Variants in FAM178B observed in about 807,000 individuals in gnomAD.
FAM178B encodes family with sequence similarity 178 member B, also known as protein FAM178B.
A neutral mutation model predicts 91.7 loss-of-function variants in FAM178B; 82 were observed. The ratio of observed to expected loss-of-function variants is 0.89; its 90% CI spans 0.75 to 1.07. FAM178B has a LOEUF of 1.07. FAM178B is among the 50% of genes least tolerant of loss of function. The pLI is 0.00. For missense variants in FAM178B, 769 were observed against 846.7 expected, an observed-to-expected ratio of 0.91 and a Z score of 1.14; for synonymous variants, 368 against 359.4, an observed-to-expected ratio of 1.02 and a Z score of -0.27.
At chr2:96,913,901 C>T (rs139176304) in intron 12 of FAM178B, among the ~76,000 whole-genome samples, 8 of 152,330 alleles carry the variant, frequency 5.3e-5, no homozygotes, top group South Asian at 2.1e-4. Context: ...GCCTGACTCC[C>T]GGCTTCTGTG....
chr2:96,880,516 C>T (rs1192921582), intron 14 of FAM178B, among the ~76,000 whole-genome samples: 1 of 152,208 alleles, frequency 6.6e-6, no homozygotes. Context: ...GGTATCCCTA[C>T]CTTTCCTTTT....
At chr2:96,914,372 C>A (rs1162919986) in intron 12 of FAM178B, among the ~76,000 whole-genome samples, 1 of 152,160 alleles carries the variant, frequency 6.6e-6, no homozygotes, top group Non-Finnish European at 1.5e-5. Flanking sequence ...GGCATCAAGA[C>A]ACAAGTGCCC....
intron 6 of FAM178B, 67 bp downstream of exon 6, chr2:96,960,221 T>C: frequency 1.3e-6 from 2 of 1,518,804 alleles, no homozygotes; most frequent in Non-Finnish European, 1.8e-6. Context: ...CCCTTATCCC[T>C]GGACTCCAGG....
chr2:96,907,061 T>C (rs6576990), intron 12 of FAM178B, among the ~76,000 whole-genome samples: 32,251 of 151,944 alleles, frequency 0.21, 4,889 homozygotes, highest in African/African-American at 0.43. Context: ...AGGATGGGGC[T>C]GTTATCCAGA....
At chr2:96,905,842 A>T (rs557580876) in intron 12 of FAM178B, among the ~76,000 whole-genome samples, 2 of 28,004 alleles carry the variant, frequency 7.1e-5, no homozygotes, top group East Asian at 1.2e-3. Context: ...ATATATATAT[A>T]TATATATATA....
chr2:96,934,563 C>T (rs755555822), intron 8 of FAM178B, among the ~76,000 whole-genome samples: 1 of 152,186 alleles, frequency 6.6e-6, no homozygotes, highest in Non-Finnish European at 1.5e-5. Context: ...TATCCATTTC[C>T]TATTTTAAAA....
intron 15 of FAM178B, 58 bp from the exon 16 acceptor site, chr2:96,878,100 G>C: frequency 6.3e-7 from 1 of 1,579,388 alleles, no homozygotes; most frequent in Non-Finnish European, 8.6e-7. Context: ...CACATCCAAA[G>C]CCGGGCAGGA....
intron 10 of FAM178B, among the ~76,000 whole-genome samples, chr2:96,922,862 C>CG (rs1257494482): frequency 3.3e-5 from 5 of 151,704 alleles, no homozygotes; most frequent in African/African-American, 1.2e-4. Flanking sequence ...TGTGTAGAGA[C>CG]GGGGTTTTGC....
intron 8 of FAM178B, among the ~76,000 whole-genome samples, chr2:96,930,441 C>A (rs75972488): frequency 6.6e-6 from 1 of 152,284 alleles, no homozygotes; most frequent in African/African-American, 2.4e-5. Context: ...GCTCCCACAC[C>A]TCATCCAGGG....
chr2:96,958,697 TAAAAAAAAAAAAAAAAAAAAAAAA>T (rs55924441), intron 6 of FAM178B, among the ~76,000 whole-genome samples: 8 of 55,534 alleles, frequency 1.4e-4, no homozygotes, highest in East Asian at 1.7e-3. Flanking sequence ...CTCAAAATAC[TAAAAAAAAAAAAAAAAAAAAAAAA>T]AAAAAAAAAA....
intron 8 of FAM178B, among the ~76,000 whole-genome samples, chr2:96,945,133 G>T (rs1329477271): frequency 6.6e-6 from 1 of 152,188 alleles, no homozygotes; most frequent in African/African-American, 2.4e-5. Flanking sequence ...TGTCTTTGCT[G>T]AATAAATGAA....
intron 9 of FAM178B, among the ~76,000 whole-genome samples, chr2:96,923,923 G>A (rs1478225038): frequency 1.3e-5 from 2 of 152,230 alleles, no homozygotes. Flanking sequence ...CCACATGGCC[G>A]CTGGTTCTCC....
chr2:96,947,760 C>A, intron 8 of FAM178B, 58 bp downstream of exon 8: 2 of 995,942 alleles, frequency 2.0e-6, no homozygotes, highest in South Asian at 1.4e-5. Flanking sequence ...CTGAGAGTCA[C>A]GTATCACAGG....
chr2:96,907,679 C>T (rs908931883), intron 12 of FAM178B, among the ~76,000 whole-genome samples: 2 of 152,228 alleles, frequency 1.3e-5, no homozygotes, highest in Admixed American at 6.5e-5. Context: ...TTTCCAAACC[C>T]GCAGCAGGGC....
intron 14 of FAM178B, among the ~76,000 whole-genome samples, chr2:96,884,163 G>A (rs977730867): frequency 2.0e-5 from 3 of 152,152 alleles, no homozygotes; most frequent in African/African-American, 7.2e-5. Flanking sequence ...CACACAGAGA[G>A]GGCCTGGGAC....
At chr2:96,887,205 ACT>A (rs780848448) in intron 14 of FAM178B, among the ~76,000 whole-genome samples, 3 of 147,984 alleles carry the variant, frequency 2.0e-5, no homozygotes, top group Non-Finnish European at 4.4e-5. Flanking sequence ...ACACAGCGAG[ACT>A]CTATCTCAAA....
At chr2:96,952,436 G>A (rs1559093440) in intron 6 of FAM178B, among the ~76,000 whole-genome samples, 1 of 152,134 alleles carries the variant, frequency 6.6e-6, no homozygotes, top group Non-Finnish European at 1.5e-5. Context: ...GGCTGTGACC[G>A]TGTGCCCATT....
intron 12 of FAM178B, among the ~76,000 whole-genome samples, chr2:96,916,484 A>C (rs894657270): frequency 5.3e-5 from 8 of 152,228 alleles, no homozygotes; most frequent in African/African-American, 1.7e-4. Flanking sequence ...AGCCGCAGGC[A>C]GTGAAGGAAG....
chr2:96,910,484 T>C (rs146799836), intron 12 of FAM178B, among the ~76,000 whole-genome samples: 7 of 152,338 alleles, frequency 4.6e-5, no homozygotes, highest in African/African-American at 1.7e-4. Context: ...TTGTGTAGTG[T>C]TGTTCCGTCT....
Sources: gnomAD v4.1 joint callset for allele counts (sites outside exome capture counted in the v4.1 genomes callset) on GRCh38, gnomAD v4.1.1 for gene constraint, MANE v1.5 for transcripts, NCBI Gene and HGNC (gene_info 2026-07-23, HGNC 2026-07-21) for gene names.